LOC128706666: variants seen among roughly 807,000 people sequenced by gnomAD.
chr20:10,429,846 C>T, the LOC128706666 span, among the ~76,000 whole-genome samples: 124,571 of 152,136 alleles, frequency 0.82, 51,671 homozygotes, highest in African/African-American at 0.93. Flanking sequence ...TGGGAATTTA[C>T]TAGAAATGCA....
the LOC128706666 span, among the ~76,000 whole-genome samples, chr20:10,429,768 T>C: frequency 6.6e-6 from 1 of 152,140 alleles, no homozygotes; most frequent in Non-Finnish European, 1.5e-5. Flanking sequence ...CGCCCTCACA[T>C]GACCTCCTTG....
At chr20:10,420,260 C>T in the LOC128706666 span, among the ~76,000 whole-genome samples, 1 of 152,042 alleles carries the variant, frequency 6.6e-6, no homozygotes, top group Admixed American at 6.6e-5. Context: ...TCAGGGGCTC[C>T]TTTGCACACA....
chr20:10,417,978 G>A, the LOC128706666 span, among the ~76,000 whole-genome samples: 1 of 152,126 alleles, frequency 6.6e-6, no homozygotes, highest in Admixed American at 6.5e-5. Context: ...AATGCAATAC[G>A]TAGACCTTGT....
the LOC128706666 span, among the ~76,000 whole-genome samples, chr20:10,418,188 G>A: frequency 6.6e-6 from 1 of 152,216 alleles, no homozygotes; most frequent in African/African-American, 2.4e-5. Flanking sequence ...TGGAGCTTAA[G>A]ATTTGATTTA....
the LOC128706666 span, among the ~76,000 whole-genome samples, chr20:10,431,527 A>AAAACCAAACCAAACCAAACC: frequency 2.0e-5 from 3 of 150,728 alleles, no homozygotes; most frequent in African/African-American, 7.4e-5. Flanking sequence ...ATAGGGTCAA[A>AAAACCAAACCAAACCAAACC]AAACCAAACC....
chr20:10,414,794 A>C, the LOC128706666 span, among the ~76,000 whole-genome samples: 2 of 152,264 alleles, frequency 1.3e-5, no homozygotes, highest in East Asian at 1.9e-4. Flanking sequence ...AATTCTGCAC[A>C]ACACATTGTA....
the LOC128706666 span, among the ~76,000 whole-genome samples, chr20:10,431,086 C>A: frequency 7.6e-3 from 1,164 of 152,224 alleles, 9 homozygotes; most frequent in Non-Finnish European, 0.012. Context: ...TAGTACAGTG[C>A]CTAGCATGTG....
At chr20:10,417,792 T>TA in the LOC128706666 span, among the ~76,000 whole-genome samples, 1 of 151,938 alleles carries the variant, frequency 6.6e-6, no homozygotes, top group Admixed American at 6.6e-5. Flanking sequence ...AAAAGTAAAT[T>TA]AAAAAAACAA....
At chr20:10,432,158 G>A in the LOC128706666 span, among the ~76,000 whole-genome samples, 3 of 152,218 alleles carry the variant, frequency 2.0e-5, no homozygotes, top group Non-Finnish European at 4.4e-5. Flanking sequence ...CAATCAAGGG[G>A]TATAAAAGCC....
At chr20:10,430,510 C>G in the LOC128706666 span, among the ~76,000 whole-genome samples, 1 of 152,154 alleles carries the variant, frequency 6.6e-6, no homozygotes, top group African/African-American at 2.4e-5. Context: ...TGTAGTATAG[C>G]AAGAACTGGA....
the LOC128706666 span, chr20:10,420,868 C>G: frequency 6.6e-6 from 1 of 152,198 alleles, no homozygotes; most frequent in South Asian, 2.1e-4. Flanking sequence ...CAAATGCTGA[C>G]TGTTAAACAT....
the LOC128706666 span, among the ~76,000 whole-genome samples, chr20:10,430,854 G>A: frequency 5.3e-5 from 8 of 152,346 alleles, 1 homozygote; most frequent in South Asian, 6.2e-4. Context: ...TCAAATGTGA[G>A]AATCCTACAA....
At chr20:10,415,647 C>A in the LOC128706666 span, among the ~76,000 whole-genome samples, 1 of 152,150 alleles carries the variant, frequency 6.6e-6, no homozygotes, top group Non-Finnish European at 1.5e-5. Context: ...TAAATGAAAC[C>A]TCACAAAGTG....
At chr20:10,416,772 CAT>C in the LOC128706666 span, among the ~76,000 whole-genome samples, 2 of 152,150 alleles carry the variant, frequency 1.3e-5, no homozygotes, top group Non-Finnish European at 2.9e-5. Flanking sequence ...GCATTAGACC[CAT>C]ATATGGTGGT....
chr20:10,427,974 G>A, the LOC128706666 span, among the ~76,000 whole-genome samples: 2 of 152,222 alleles, frequency 1.3e-5, no homozygotes, highest in East Asian at 3.8e-4. Flanking sequence ...GCCGAAACAG[G>A]TATGCGTAAG....
At chr20:10,432,897 C>T in the LOC128706666 span, among the ~76,000 whole-genome samples, 4 of 150,888 alleles carry the variant, frequency 2.7e-5, no homozygotes, top group South Asian at 2.1e-4. Flanking sequence ...CCTAATACAA[C>T]GTTAAATGCT....
At chr20:10,427,646 G>C in the LOC128706666 span, among the ~76,000 whole-genome samples, 1 of 152,186 alleles carries the variant, frequency 6.6e-6, no homozygotes, top group African/African-American at 2.4e-5. Context: ...CAATAGAAAA[G>C]ACTGCACGTG....
At chr20:10,432,695 T>C in the LOC128706666 span, among the ~76,000 whole-genome samples, 1 of 143,600 alleles carries the variant, frequency 7.0e-6, no homozygotes, top group African/African-American at 2.6e-5. Flanking sequence ...CTCCGGAGGC[T>C]AAGGCAGGGA....
chr20:10,415,157 A>G, the LOC128706666 span, among the ~76,000 whole-genome samples: 2 of 152,228 alleles, frequency 1.3e-5, no homozygotes, highest in African/African-American at 4.8e-5. Flanking sequence ...ATGTGTGAAA[A>G]GAATAAAAAC....
Sources: gnomAD v4.1 joint callset for allele counts (sites outside exome capture counted in the v4.1 genomes callset) on GRCh38, gnomAD v4.1.1 for gene constraint, MANE v1.5 for transcripts.